ZNF385B: variants seen among roughly 807,000 people sequenced by gnomAD.
ZNF385B encodes the protein zinc finger protein 385B.
A neutral mutation model predicts 39.2 loss-of-function variants in ZNF385B; 23 were observed. The ratio of observed to expected loss-of-function variants is 0.59; its 90% confidence interval spans 0.42 to 0.83. ZNF385B has a LOEUF of 0.83. ZNF385B is among the 40% of genes least tolerant of loss of function. ZNF385B has a pLI of 0.00. For synonymous variants in ZNF385B, 205 were observed against 222.6 expected, an observed-to-expected ratio of 0.92 and a Z score of 0.70; for missense variants, 552 against 598.9, an observed-to-expected ratio of 0.92 and a Z score of 0.82.
intron 1 of ZNF385B, among the ~76,000 whole-genome samples, chr2:179,794,223 T>C (rs1705513216): frequency 6.6e-6 from 1 of 152,208 alleles, no homozygotes; most frequent in Non-Finnish European, 1.5e-5. Context: ...TAACTCAACA[T>C]CAGCTTCTAC....
intron 3 of ZNF385B, among the ~76,000 whole-genome samples, chr2:179,763,422 T>C (rs977670146): frequency 5.3e-5 from 8 of 152,232 alleles, no homozygotes; most frequent in Non-Finnish European, 7.3e-5. Flanking sequence ...ACAAATTTCA[T>C]TGATTTTTCT....
intron 4 of ZNF385B, 145 bp from the exon 5 acceptor site, chr2:179,518,783 T>C (rs1376036001): frequency 6.5e-6 from 3 of 458,184 alleles, no homozygotes; most frequent in Non-Finnish European, 1.1e-5. Context: ...TCAACAGTAA[T>C]ATATTTGTCT....
chr2:179,659,247 A>G (rs991200788), intron 3 of ZNF385B, among the ~76,000 whole-genome samples: 1 of 152,214 alleles, frequency 6.6e-6, no homozygotes, highest in African/African-American at 2.4e-5. Flanking sequence ...AAAATTCCTC[A>G]ACTCAATGTG....
intron 3 of ZNF385B, among the ~76,000 whole-genome samples, chr2:179,561,608 A>C (rs2061339156): frequency 7.1e-6 from 1 of 139,974 alleles, no homozygotes; most frequent in African/African-American, 2.6e-5. Flanking sequence ...CATGTTTTAC[A>C]AATGGCAAAA....
chr2:179,731,566 A>G (rs1006687495), intron 3 of ZNF385B, among the ~76,000 whole-genome samples: 1 of 152,202 alleles, frequency 6.6e-6, no homozygotes, highest in Non-Finnish European at 1.5e-5. Flanking sequence ...GGAGCTCTTA[A>G]TAACACCCAT....
intron 3 of ZNF385B, among the ~76,000 whole-genome samples, chr2:179,646,150 C>T (rs1367875250): frequency 1.3e-5 from 2 of 152,226 alleles, no homozygotes; most frequent in African/African-American, 2.4e-5. Context: ...TGTGGTGGCT[C>T]ATGCCTGTAA....
intron 3 of ZNF385B, among the ~76,000 whole-genome samples, chr2:179,551,186 A>G (rs530419714): frequency 1.3e-5 from 2 of 152,198 alleles, no homozygotes; most frequent in East Asian, 3.9e-4. Flanking sequence ...CCTATTTGAT[A>G]ATAAAACTTT....
intron 3 of ZNF385B, among the ~76,000 whole-genome samples, chr2:179,650,665 T>C (rs912940963): frequency 6.6e-6 from 1 of 152,206 alleles, no homozygotes; most frequent in Admixed American, 6.5e-5. Context: ...TATCAGTAAC[T>C]CACATCTATT....
At chr2:179,743,442 C>T (rs933510082) in intron 3 of ZNF385B, among the ~76,000 whole-genome samples, 19 of 151,852 alleles carry the variant, frequency 1.3e-4, no homozygotes, top group African/African-American at 4.6e-4. Flanking sequence ...ATCACTTAAC[C>T]CAGGCAAAGA....
At chr2:179,600,640 T>C (rs1395397423) in intron 3 of ZNF385B, among the ~76,000 whole-genome samples, 1 of 152,228 alleles carries the variant, frequency 6.6e-6, no homozygotes. Flanking sequence ...GAATAATTAA[T>C]GTAATATTTT....
chr2:179,711,377 C>G (rs995727818), intron 3 of ZNF385B, among the ~76,000 whole-genome samples: 2 of 152,062 alleles, frequency 1.3e-5, no homozygotes, highest in Non-Finnish European at 2.9e-5. Flanking sequence ...GCTGCAATGT[C>G]TGACTGCAAT....
chr2:179,679,833 A>C (rs780535703), intron 3 of ZNF385B, among the ~76,000 whole-genome samples: 3 of 152,132 alleles, frequency 2.0e-5, no homozygotes, highest in Non-Finnish European at 4.4e-5. Context: ...CTGACTGTTT[A>C]TGTTTCTTAT....
chr2:179,498,823 G>T (rs1193917331), intron 5 of ZNF385B, among the ~76,000 whole-genome samples: 1 of 151,400 alleles, frequency 6.6e-6, no homozygotes, highest in East Asian at 1.9e-4. Flanking sequence ...AAAAAGAATA[G>T]AGTAGAAATA....
chr2:179,800,823 C>G (rs901209855), intron 1 of ZNF385B, among the ~76,000 whole-genome samples: 3 of 152,030 alleles, frequency 2.0e-5, no homozygotes, highest in Non-Finnish European at 4.4e-5. Flanking sequence ...TTTGCTGAAG[C>G]CTTTTAAAGC....
At chr2:179,494,544 C>A (rs1171017034) in intron 5 of ZNF385B, among the ~76,000 whole-genome samples, 2 of 151,920 alleles carry the variant, frequency 1.3e-5, no homozygotes, top group Non-Finnish European at 2.9e-5. Flanking sequence ...ATAAATCATC[C>A]ATAATTTTGA....
chr2:179,454,405 G>T (rs1415137721), intron 6 of ZNF385B, among the ~76,000 whole-genome samples: 1 of 151,838 alleles, frequency 6.6e-6, no homozygotes, highest in Non-Finnish European at 1.5e-5. Flanking sequence ...AATTATGTAA[G>T]GTATATAATA....
chr2:179,683,346 T>C (rs563626684), intron 3 of ZNF385B, among the ~76,000 whole-genome samples: 1 of 151,956 alleles, frequency 6.6e-6, no homozygotes, highest in Non-Finnish European at 1.5e-5. Context: ...GTCGAGATCA[T>C]GGCACTGCAC....
At chr2:179,635,301 G>A (rs567741459) in intron 3 of ZNF385B, among the ~76,000 whole-genome samples, 84 of 145,302 alleles carry the variant, frequency 5.8e-4, no homozygotes, top group African/African-American at 2.0e-3. Flanking sequence ...GCCAAACACC[G>A]CATGTTCTCA....
At chr2:179,786,194 A>G (rs1362983849) in intron 1 of ZNF385B, among the ~76,000 whole-genome samples, 1 of 152,182 alleles carries the variant, frequency 6.6e-6, no homozygotes, top group Non-Finnish European at 1.5e-5. Context: ...AGATTATAGC[A>G]TAAGCATAAC....
Sources: gnomAD v4.1 joint callset for allele counts (sites outside exome capture counted in the v4.1 genomes callset) on GRCh38, gnomAD v4.1.1 for gene constraint, MANE v1.5 for transcripts, NCBI Gene and HGNC (gene_info 2026-07-23, HGNC 2026-07-21) for gene names.